The following PDZRN4 variants were observed in gnomAD, a reference collection of about 807,000 sequenced individuals.
PDZRN4 encodes PDZ domain-containing RING finger protein 4.
Under a neutral mutation model 99.0 loss-of-function variants are expected in PDZRN4, and 70 were observed. The observed-to-expected ratio is 0.71, with a 90% CI of 0.58 to 0.86. The LOEUF (loss-of-function observed/expected upper bound fraction) is 0.86. PDZRN4 is among the 40% of genes least tolerant of loss of function. PDZRN4 has a pLI of 0.00. For missense variants in PDZRN4, 1,474 were observed against 1,331.2 expected, an observed-to-expected ratio of 1.11 and a Z score of -1.67; for synonymous variants, 551 against 501.6, an observed-to-expected ratio of 1.10 and a Z score of -1.32.
At chr12:41,470,513 T>G (rs2120566215) in intron 3 of PDZRN4, among the ~76,000 whole-genome samples, 1 of 152,198 alleles carries the variant, frequency 6.6e-6, no homozygotes, top group South Asian at 2.1e-4. Context: ...ATTTAATTAT[T>G]ATTATACTTT....
At chr12:41,545,742 C>T (rs530640941) in intron 5 of PDZRN4, among the ~76,000 whole-genome samples, 23 of 152,106 alleles carry the variant, frequency 1.5e-4, no homozygotes, top group African/African-American at 4.8e-4. Flanking sequence ...AGTCTTTCTA[C>T]GTACAAATGC....
In PDZRN4 at chr12:41,191,461, G is replaced by A. The variant is rs1261112009; in HGVS notation, c.652G>A (p.Gly218Arg). 1.4e-5 allele frequency: 21 copies of A among 1,493,272 alleles called. No homozygotes were observed. The highest frequency in any genetic ancestry group is 1.8e-5 in the Non-Finnish European group (20 of 1,088,250). 92.5% of individuals were successfully genotyped at this position (1,493,272 alleles called of 1,614,324 possible). A position where few individuals can be genotyped will look rare whatever the true frequency, so the allele number is the denominator to read the frequency against. ...GDLGGGHRRD[G>R]EHKPFTIVLE... is the part of the protein sequence containing the mutation. ...CATTTTATACATTTTTTTCTAGGATGGAGAGCATAAGCCATTCACTATTGT... is the reference window on the plus strand; with the variant it reads ...CATTTTATACATTTTTTTCTAGGATAGAGAGCATAAGCCATTCACTATTGT... Residue 218 changes from glycine (G) to arginine (R), a missense_variant, in exon 2 of 10, where the codon GGA (glycine) becomes AGA (arginine). By Grantham distance (125) the Gly-to-Arg change is moderately radical. Coordinates refer to ENST00000402685, the MANE Select transcript of PDZRN4 (RefSeq NM_001164595.2).
At chr12:41,388,357 C>T (rs1187992191) in intron 3 of PDZRN4, among the ~76,000 whole-genome samples, 2 of 150,694 alleles carry the variant, frequency 1.3e-5, no homozygotes, top group Non-Finnish European at 2.9e-5. Flanking sequence ...TAACAAACTA[C>T]ACATGTACCT....
intron 3 of PDZRN4, among the ~76,000 whole-genome samples, chr12:41,458,223 T>A (rs2608690): frequency 0.52 from 78,675 of 152,024 alleles, 20,910 homozygotes; most frequent in African/African-American, 0.65. Flanking sequence ...AATGGCACAA[T>A]CTCGACTCAC....
Position 41,250,334 on chromosome 12 carries a change from T to C in PDZRN4, c.843+56146T>C, listed in dbSNP as rs920004620. ...CCTCCAAAAACATTTTCAAGAAAGG[T>C]AAGAGTACTAACAAGAAATGCCTTG... On this transcript the variant is annotated intron_variant, in intron 3 of 9. Transcript: ENST00000402685. Among the ~76,000 whole-genome samples, 5 of 152,192 alleles carry C rather than the reference T, an allele frequency of 3.3e-5. No homozygotes were observed. In the East Asian group the frequency reaches 7.7e-4, roughly 23 times the overall value.
chr12:41,551,309 G>A (rs1222026396), intron 5 of PDZRN4, among the ~76,000 whole-genome samples: 2 of 152,000 alleles, frequency 1.3e-5, no homozygotes, highest in South Asian at 2.1e-4. Flanking sequence ...TACCAAAGTT[G>A]ATTACCTTTG....
intron 3 of PDZRN4, among the ~76,000 whole-genome samples, chr12:41,278,194 A>C (rs1951362024): frequency 6.6e-6 from 1 of 152,170 alleles, no homozygotes; most frequent in African/African-American, 2.4e-5. Context: ...CTGAAAGAGG[A>C]GGCTTTTTAT....
chr12:41,454,599 A>G (rs1170982107), intron 3 of PDZRN4, among the ~76,000 whole-genome samples: 2 of 152,258 alleles, frequency 1.3e-5, no homozygotes, highest in African/African-American at 2.4e-5. Context: ...GAGACAGGAA[A>G]GTAAGAAACA....
chr12:41,395,359 T>A (rs1326382873), intron 3 of PDZRN4, among the ~76,000 whole-genome samples: 2 of 151,794 alleles, frequency 1.3e-5, no homozygotes, highest in African/African-American at 4.8e-5. Flanking sequence ...CATAAAGGAG[T>A]CACTGGTCCA....
intron 3 of PDZRN4, among the ~76,000 whole-genome samples, chr12:41,436,069 T>C (rs1352156305): frequency 1.3e-5 from 2 of 152,202 alleles, no homozygotes; most frequent in Non-Finnish European, 2.9e-5. Flanking sequence ...CCACTTCAAA[T>C]ACCTTTTTGA....
At chr12:41,277,659 T>C (rs1174906387) in intron 3 of PDZRN4, among the ~76,000 whole-genome samples, 3 of 152,172 alleles carry the variant, frequency 2.0e-5, no homozygotes, top group African/African-American at 7.2e-5. Context: ...CTGACACTAA[T>C]CTAGAGTTAC....
intron 3 of PDZRN4, among the ~76,000 whole-genome samples, chr12:41,235,151 T>C (rs1951057371): frequency 6.6e-6 from 1 of 152,150 alleles, no homozygotes; most frequent in South Asian, 2.1e-4. Context: ...GGTTTGGAGA[T>C]GAGCACTGTA....
At chr12:41,274,482 G>A (rs976169462) in intron 3 of PDZRN4, among the ~76,000 whole-genome samples, 2 of 152,122 alleles carry the variant, frequency 1.3e-5, no homozygotes, top group African/African-American at 4.8e-5. Flanking sequence ...AGGATTGCCT[G>A]AATTAATGAA....
intron 3 of PDZRN4, among the ~76,000 whole-genome samples, chr12:41,370,651 T>C (rs1396780743): frequency 2.0e-5 from 3 of 151,928 alleles, no homozygotes; most frequent in Non-Finnish European, 2.9e-5. Context: ...TTCTCCTGCA[T>C]TTTCCCCGTT....
At chr12:41,244,853 T>G (rs1372724802) in intron 3 of PDZRN4, among the ~76,000 whole-genome samples, 1 of 107,974 alleles carries the variant, frequency 9.3e-6, no homozygotes, top group Non-Finnish European at 2.1e-5. Context: ...CCCGGCTAAT[T>G]TTTTGTATTT....
At chr12:41,274,717 T>C (rs1951338574) in intron 3 of PDZRN4, among the ~76,000 whole-genome samples, 2 of 152,320 alleles carry the variant, frequency 1.3e-5, no homozygotes, top group South Asian at 4.1e-4. Flanking sequence ...AGTTTTCTTA[T>C]ATTTTGCCAA....
chr12:41,381,468 C>A (rs748203549), intron 3 of PDZRN4, among the ~76,000 whole-genome samples: 1 of 152,042 alleles, frequency 6.6e-6, no homozygotes, highest in Non-Finnish European at 1.5e-5. Flanking sequence ...TTTCAAACAA[C>A]CTGTCTTCAA....
intron 5 of PDZRN4, among the ~76,000 whole-genome samples, chr12:41,533,151 T>G (rs1938689261): frequency 6.6e-6 from 1 of 151,698 alleles, no homozygotes; most frequent in Non-Finnish European, 1.5e-5. Flanking sequence ...AATATTTATT[T>G]CTTCCTGGTC....
At chr12:41,370,155 C>G (rs939129917) in intron 3 of PDZRN4, among the ~76,000 whole-genome samples, 2 of 151,906 alleles carry the variant, frequency 1.3e-5, no homozygotes, top group African/African-American at 4.8e-5. Flanking sequence ...GAAATCATCA[C>G]CATGTTTACC....
Sources: gnomAD v4.1 joint callset for allele counts (sites outside exome capture counted in the v4.1 genomes callset) on GRCh38, gnomAD v4.1.1 for gene constraint, MANE v1.5 for transcripts, NCBI Gene and HGNC (gene_info 2026-07-23, HGNC 2026-07-21) for gene names.